Variants in PRKAA1 observed in about 807,000 individuals in gnomAD.
PRKAA1 encodes 5'-AMP-activated protein kinase catalytic subunit alpha-1.
In PRKAA1, 23 loss-of-function variants were observed where a neutral mutation model predicts 56.9. The observed-to-expected ratio is 0.40, with a 90% CI of 0.29 to 0.57. PRKAA1 has a LOEUF of 0.57. PRKAA1 is among the 20% of genes least tolerant of loss of function. PRKAA1 has a pLI of 0.39. For missense variants in PRKAA1, 413 were observed against 679.7 expected, an observed-to-expected ratio of 0.61 and a Z score of 4.36; for synonymous variants, 226 against 227.0, an observed-to-expected ratio of 1.00 and a Z score of 0.04.
intron 1 of PRKAA1, among the ~76,000 whole-genome samples, chr5:40,793,145 G>A (rs1295696714): frequency 1.3e-5 from 2 of 151,744 alleles, no homozygotes; most frequent in Non-Finnish European, 2.9e-5. Context: ...CTCATTTGCC[G>A]AAGATACACC....
intron 4 of PRKAA1, 26 bp from the exon 5 acceptor site, chr5:40,769,529 C>G: frequency 1.3e-6 from 2 of 1,524,722 alleles, no homozygotes; most frequent in South Asian, 2.4e-5. Context: ...ATCAGCTACT[C>G]AAAAGATTTC....
At chr5:40,768,884 C>A in intron 5 of PRKAA1, 1 of 1,562,612 alleles carries the variant, frequency 6.4e-7, no homozygotes. Context: ...TTCATGTTCT[C>A]AATGCTGGTA....
At chr5:40,769,847 C>A (rs1579720562) in intron 4 of PRKAA1, among the ~76,000 whole-genome samples, 10 of 92,008 alleles carry the variant, frequency 1.1e-4, no homozygotes, top group East Asian at 3.8e-4. Context: ...GATTAAAATT[C>A]AAAGTTCCTA....
chr5:40,785,730 G>A (rs555455707), intron 1 of PRKAA1, among the ~76,000 whole-genome samples: 26 of 152,162 alleles, frequency 1.7e-4, no homozygotes, highest in African/African-American at 6.0e-4. Context: ...GATCTTTTCA[G>A]ACGTGACTAG....
intron 4 of PRKAA1, 34 bp downstream of exon 4, chr5:40,771,685 A>G: frequency 1.3e-6 from 2 of 1,576,250 alleles, no homozygotes; most frequent in Non-Finnish European, 1.7e-6. Flanking sequence ...GAACATTAGA[A>G]ATGAACGTTA....
At chr5:40,783,974 G>GA (rs1173287473) in intron 1 of PRKAA1, among the ~76,000 whole-genome samples, 1 of 152,070 alleles carries the variant, frequency 6.6e-6, no homozygotes, top group Non-Finnish European at 1.5e-5. Flanking sequence ...GCAAGTTAAA[G>GA]AAACTACAAC....
At chr5:40,779,014 G>A (rs1205106094) in intron 1 of PRKAA1, among the ~76,000 whole-genome samples, 1 of 151,484 alleles carries the variant, frequency 6.6e-6, no homozygotes, top group African/African-American at 2.4e-5. Flanking sequence ...GACCAGGATG[G>A]TCTCAAACTC....
At position 40,765,173 on chromosome 5, in the gene PRKAA1, G is replaced by A. The variant is rs1743369508; in HGVS notation, c.887C>T (p.Ser296Leu). 1 of 1,613,756 alleles carries A rather than the reference G, an allele frequency of 6.2e-7. No homozygotes were observed. The highest frequency in any genetic ancestry group is 1.3e-5 in the African/African-American group (1 of 74,874). ...TAAGGCTTCATCATCAATCATGGTT[G>A]AACTATATGATGGATCCTCAGGAAA... ...YLFPEDPSYS[S>L]TMIDDEALKE... The change falls in exon 7 of 9, where the codon TCA becomes TTA. Residue 296 changes from serine (S) to leucine (L), a missense_variant. Ser to Leu is a moderately radical substitution (Grantham distance 145). Coordinates refer to ENST00000397128, the MANE Select transcript of PRKAA1 (RefSeq NM_006251.6).
At chr5:40,770,882 C>G (rs578042533) in intron 4 of PRKAA1, among the ~76,000 whole-genome samples, 5 of 151,900 alleles carry the variant, frequency 3.3e-5, no homozygotes, top group African/African-American at 1.2e-4. Context: ...TAAGCCACCA[C>G]GCCCAGCCAA....
chr5:40,795,008 TACACACAC>T (rs201435537), intron 1 of PRKAA1, among the ~76,000 whole-genome samples: 1 of 149,948 alleles, frequency 6.7e-6, no homozygotes, highest in African/African-American at 2.5e-5. Context: ...TACATATATA[TACACACAC>T]ACACACACAC....
At chr5:40,776,121 T>A (rs547810686) in intron 2 of PRKAA1, among the ~76,000 whole-genome samples, 1 of 152,230 alleles carries the variant, frequency 6.6e-6, no homozygotes. Context: ...ACAGTAAAGG[T>A]AGCCACAGGA....
intron 5 of PRKAA1, chr5:40,768,582 A>G: frequency 4.9e-6 from 5 of 1,030,608 alleles, no homozygotes; most frequent in Non-Finnish European, 5.8e-6. Context: ...CTCCTGCCTT[A>G]CTCACAGCCA....
chr5:40,787,944 A>AG (rs1249126372), intron 1 of PRKAA1, among the ~76,000 whole-genome samples: 2 of 152,212 alleles, frequency 1.3e-5, no homozygotes, highest in Non-Finnish European at 2.9e-5. Context: ...CTGCCTATAA[A>AG]GAGACTCACT....
At chr5:40,777,387 A>T in intron 2 of PRKAA1, 58 bp downstream of exon 2, 1 of 1,497,530 alleles carries the variant, frequency 6.7e-7, no homozygotes, top group South Asian at 1.2e-5. Context: ...CACATTAAGT[A>T]GGTTAACAAA....
chr5:40,785,822 GCACACACACACA>G (rs147705979), intron 1 of PRKAA1, among the ~76,000 whole-genome samples: 1 of 93,070 alleles, frequency 1.1e-5, no homozygotes, highest in African/African-American at 3.9e-5. Context: ...GAAGAGGAGA[GCACACACACACA>G]CACACAGAGA....
intron 1 of PRKAA1, among the ~76,000 whole-genome samples, chr5:40,789,278 T>C (rs1377816392): frequency 6.6e-6 from 1 of 152,156 alleles, no homozygotes; most frequent in Non-Finnish European, 1.5e-5. Context: ...TGAACATCTC[T>C]AATCATAAGA....
At chr5:40,769,313 TCTTTC>T in intron 5 of PRKAA1, 98 bp downstream of exon 5, 1 of 923,018 alleles carries the variant, frequency 1.1e-6, no homozygotes, top group Non-Finnish European at 1.7e-6. Flanking sequence ...GCCTTATCTT[TCTTTC>T]CTTTCATTAG....
rs1276975380 is a variant in PRKAA1 at position 40,767,477 on chromosome 5, G to T, written c.810C>A (p.Ile270=). ...AACTGCTTTATTACCTGATATCTTT[G>T]ATTGTGGCCCTCTTCATGGGATCCA... ...LQVDPMKRAT[I]KDIREHEWFK... is the part of the protein sequence containing the mutation. The change falls in exon 6 of 9, where the codon ATC becomes ATA. Residue 270 remains isoleucine, a synonymous_variant. Coordinates refer to ENST00000397128, the MANE Select transcript of PRKAA1 (RefSeq NM_006251.6). 6.2e-7 allele frequency: 1 copy of T among 1,606,430 alleles called. No homozygotes were observed. The highest frequency in any genetic ancestry group is 8.5e-7 in the Non-Finnish European group (1 of 1,174,798).
intron 1 of PRKAA1, among the ~76,000 whole-genome samples, chr5:40,782,334 C>T (rs538458988): frequency 6.6e-6 from 1 of 152,294 alleles, no homozygotes; most frequent in South Asian, 2.1e-4. Context: ...AAAGCATTCT[C>T]TCAAATTCAT....
Sources: allele counts gnomAD v4.1 joint callset (sites outside exome capture counted in the v4.1 genomes callset), GRCh38; gene constraint gnomAD v4.1.1; transcripts MANE v1.5; gene names NCBI Gene and HGNC (gene_info 2026-07-23, HGNC 2026-07-21).